FHIT: variants seen among roughly 807,000 people sequenced by gnomAD.
The protein encoded by FHIT is bis(5'-adenosyl)-triphosphatase.
In FHIT, 19 loss-of-function variants were observed where a neutral mutation model predicts 17.9. That is an observed-to-expected ratio of 1.06 (90% confidence interval 0.74 to 1.56). FHIT has a LOEUF of 1.56. Ranked by LOEUF, FHIT falls within the 40% of genes most tolerant of loss-of-function variation. The pLI is 0.00. For synonymous variants in FHIT, 81 were observed against 69.7 expected (o/e 1.16, Z -0.81); for missense variants, 248 against 189.2 (o/e 1.31, Z -1.82).
At chr3:60,480,917 G>A (rs189599005) in intron 5 of FHIT, among the ~76,000 whole-genome samples, 139 of 152,354 alleles carry the variant, frequency 9.1e-4, no homozygotes, top group African/African-American at 3.2e-3. Context: ...TCTTCTCACA[G>A]CTCCACTAGG....
intron 5 of FHIT, among the ~76,000 whole-genome samples, chr3:60,352,006 C>T (rs1023756269): frequency 2.6e-5 from 4 of 152,230 alleles, no homozygotes; most frequent in Non-Finnish European, 5.9e-5. Context: ...TGCCCTGTAT[C>T]GTAATTAGCT....
chr3:59,956,299 C>T (rs915022292), intron 7 of FHIT, among the ~76,000 whole-genome samples: 4 of 151,956 alleles, frequency 2.6e-5, no homozygotes, highest in Admixed American at 2.6e-4. Context: ...CAGCACACAG[C>T]CTCCCAGGAG....
At chr3:60,785,839 C>A (rs1239160182) in intron 4 of FHIT, among the ~76,000 whole-genome samples, 1 of 151,548 alleles carries the variant, frequency 6.6e-6, no homozygotes, top group Admixed American at 6.6e-5. Context: ...TTCCTTCCCT[C>A]CAGGAGCAAA....
At chr3:60,541,116 G>T (rs2036172922) in intron 4 of FHIT, among the ~76,000 whole-genome samples, 2 of 152,096 alleles carry the variant, frequency 1.3e-5, no homozygotes, top group African/African-American at 4.8e-5. Context: ...CCTGCCAAAT[G>T]GCTGCCTAGC....
At chr3:59,814,234 A>G (rs1700516243) in intron 8 of FHIT, among the ~76,000 whole-genome samples, 1 of 152,182 alleles carries the variant, frequency 6.6e-6, no homozygotes, top group South Asian at 2.1e-4. Context: ...TTGTTGGAAA[A>G]TGCTCCGCGT....
chr3:60,035,014 C>T (rs949207209), intron 5 of FHIT, among the ~76,000 whole-genome samples: 1 of 152,156 alleles, frequency 6.6e-6, no homozygotes, highest in African/African-American at 2.4e-5. Flanking sequence ...ATTTTATAAA[C>T]CTTAACTCAT....
At chr3:61,204,726 G>T (rs1416040016) in intron 1 of FHIT, among the ~76,000 whole-genome samples, 1 of 152,066 alleles carries the variant, frequency 6.6e-6, no homozygotes, top group East Asian at 1.9e-4. Context: ...TACACACCAC[G>T]GAAATAGGAA....
intron 4 of FHIT, among the ~76,000 whole-genome samples, chr3:60,757,033 A>G (rs1699450751): frequency 1.3e-5 from 2 of 152,180 alleles, no homozygotes; most frequent in Non-Finnish European, 2.9e-5. Flanking sequence ...ACAAACAAAC[A>G]ACAGCAAAAA....
intron 8 of FHIT, among the ~76,000 whole-genome samples, chr3:59,784,330 C>A (rs1425926047): frequency 2.0e-5 from 3 of 152,240 alleles, no homozygotes; most frequent in East Asian, 3.8e-4. Context: ...CATTCTCTCA[C>A]TGAAGGTGAG....
chr3:60,860,058 T>A (rs370310134), intron 3 of FHIT, among the ~76,000 whole-genome samples: 1 of 70,284 alleles, frequency 1.4e-5, no homozygotes, highest in South Asian at 3.6e-4. Context: ...AACAAAAAGA[T>A]ACATATATAT....
chr3:60,878,708 C>T (rs1333324080), intron 3 of FHIT, among the ~76,000 whole-genome samples: 1 of 151,854 alleles, frequency 6.6e-6, no homozygotes, highest in Non-Finnish European at 1.5e-5. Context: ...TCTCATTGTT[C>T]AATTCCCACC....
chr3:60,562,249 C>G (rs372087591), intron 4 of FHIT, among the ~76,000 whole-genome samples: 1 of 152,140 alleles, frequency 6.6e-6, no homozygotes, highest in Non-Finnish European at 1.5e-5. Flanking sequence ...TACGGAAAGA[C>G]AGCAGTGAAC....
At chr3:59,877,466 C>G (rs753610689) in intron 8 of FHIT, among the ~76,000 whole-genome samples, 4 of 152,230 alleles carry the variant, frequency 2.6e-5, no homozygotes, top group Admixed American at 6.5e-5. Flanking sequence ...AGATAACAAG[C>G]AGGAAGGCCC....
chr3:60,867,405 T>C (rs1575618880), intron 3 of FHIT, among the ~76,000 whole-genome samples: 1 of 152,300 alleles, frequency 6.6e-6, no homozygotes, highest in East Asian at 1.9e-4. Context: ...CAGTGAAGGC[T>C]AAGGGCCAAA....
intron 3 of FHIT, among the ~76,000 whole-genome samples, chr3:60,834,881 G>GAAAAAAAAAAA (rs71092645): frequency 2.1e-4 from 20 of 94,430 alleles, no homozygotes; most frequent in Non-Finnish European, 2.7e-4. Context: ...GAAAAGAAAA[G>GAAAAAAAAAAA]AAAAAAAAAA....
intron 8 of FHIT, among the ~76,000 whole-genome samples, chr3:59,777,969 C>G (rs1299933818): frequency 6.6e-6 from 1 of 152,232 alleles, no homozygotes; most frequent in African/African-American, 2.4e-5. Context: ...TCTAACCCCT[C>G]TAACCAAATT....
At chr3:60,461,189 C>G (rs901002381) in intron 5 of FHIT, among the ~76,000 whole-genome samples, 1 of 152,164 alleles carries the variant, frequency 6.6e-6, no homozygotes, top group East Asian at 1.9e-4. Flanking sequence ...ATTATTTTAT[C>G]AAGTTATTAA....
intron 5 of FHIT, among the ~76,000 whole-genome samples, chr3:60,412,793 A>G (rs1311831480): frequency 6.6e-6 from 1 of 152,118 alleles, no homozygotes; most frequent in Non-Finnish European, 1.5e-5. Flanking sequence ...CCATGTGTCA[A>G]AGGAGGGAAG....
At chr3:60,710,939 G>C (rs957734528) in intron 4 of FHIT, among the ~76,000 whole-genome samples, 1 of 152,224 alleles carries the variant, frequency 6.6e-6, no homozygotes, top group African/African-American at 2.4e-5. Context: ...CCAGCATGCA[G>C]CTGGAGATCT....
Sources: allele counts gnomAD v4.1 joint callset (sites outside exome capture counted in the v4.1 genomes callset), GRCh38; gene constraint gnomAD v4.1.1; transcripts MANE v1.5; gene names NCBI Gene and HGNC (gene_info 2026-07-23, HGNC 2026-07-21).